The following ORC6 variants were observed in gnomAD, a reference collection of about 807,000 sequenced individuals.
The protein encoded by ORC6 is origin recognition complex, subunit 6 homolog-like (yeast).
In ORC6, 31 loss-of-function variants were observed where a neutral mutation model predicts 30.0. That is an observed-to-expected ratio of 1.03 (90% confidence interval 0.78 to 1.40). The LOEUF is 1.40. Ranked by LOEUF, ORC6 falls within the 40% of genes most tolerant of loss-of-function variation. The probability of loss-of-function intolerance (pLI) is 0.00; values close to 1 mark genes in which losing one functional copy is unlikely to be tolerated. For synonymous variants in ORC6, 136 were observed against 111.2 expected, an observed-to-expected ratio of 1.22 and a Z score of -1.40; for missense variants, 340 against 304.3, an observed-to-expected ratio of 1.12 and a Z score of -0.87.
chr16:46,691,630 T>A (rs190218956), intron 2 of ORC6, among the ~76,000 whole-genome samples: 2 of 152,314 alleles, frequency 1.3e-5, no homozygotes, highest in Admixed American at 6.5e-5. Flanking sequence ...GATACACTCA[T>A]TAAATGGTAA....
At position 46,697,491 on chromosome 16, in the gene ORC6, C is replaced by T. The variant is rs780580557; in HGVS notation, c.665C>T (p.Pro222Leu). The stretch of plus-strand genomic sequence containing the variant: ...AAGGTAGAGGAGATGCCACATAAAC[C>T]ACAGAAAGATGAAGATCTGACACAG... The part of the protein sequence containing the change: ...MEKVEEMPHK[P>L]QKDEDLTQDY... Residue 222 changes from proline (P) to leucine (L), a missense_variant, in exon 7 of 7, where the codon CCA (proline) becomes CTA (leucine). Pro to Leu is a moderately conservative substitution (Grantham distance 98). Coordinates refer to ENST00000219097, the MANE Select transcript of ORC6 (RefSeq NM_014321.4). 18 of 1,613,252 alleles carry T rather than the reference C, an allele frequency of 1.1e-5. No homozygotes were observed. The highest frequency in any genetic ancestry group is 2.2e-5 in the South Asian group (2 of 91,066).
In ORC6 at chr16:46,697,549, A is replaced by C; in HGVS notation, c.723A>C (p.Glu241Asp). 1 of 1,614,154 alleles carries C rather than the reference A, an allele frequency of 6.2e-7. No homozygotes were observed. The highest frequency in any genetic ancestry group is 8.5e-7 in the Non-Finnish European group (1 of 1,179,996). Residue 241 changes from glutamate to aspartate, a missense_variant, in exon 7 of 7, where the codon GAA (glutamate) becomes GAC (aspartate). Coordinates refer to ENST00000219097, the MANE Select transcript of ORC6 (RefSeq NM_014321.4). ...AAGAATGGAAAAGAAAAATTTTGGA[A>C]AATGCTGCCAGTGCTCAAAAGGCTA... ...DYEEWKRKIL[E>D]NAASAQKATA...
chr16:46,690,808 T>C, intron 1 of ORC6, 183 bp from the exon 2 acceptor site: 1 of 681,414 alleles, frequency 1.5e-6, no homozygotes, highest in Non-Finnish European at 2.7e-6. Flanking sequence ...ACAGTGATGT[T>C]TGGAGTCAGT....
In ORC6 at chr16:46,691,064, A is replaced by T. The variant is rs556608071; in HGVS notation, c.139A>T (p.Ser47Cys). ...GLSARTTETS[S>C]AVMCLDLAAS... The stretch of plus-strand genomic sequence containing the variant: ...CTCCGCACGCACCACGGAGACCAGC[A>T]GTGCAGTCATGTGCCTGGACCTTGC... The change falls in exon 2 of 7, where the codon AGT becomes TGT. Residue 47 changes from serine to cysteine, a missense_variant. Coordinates refer to ENST00000219097, the MANE Select transcript of ORC6 (RefSeq NM_014321.4). 1 of 1,614,072 alleles carries T rather than the reference A, an allele frequency of 6.2e-7. No individual in the cohort carries two copies. Among genetic ancestry groups the T allele is most frequent in the South Asian group, 1.1e-5 (1 of 91,082 alleles).
intron 5 of ORC6, 51 bp downstream of exon 5, chr16:46,695,725 G>A: frequency 8.4e-7 from 1 of 1,185,636 alleles, no homozygotes; most frequent in Non-Finnish European, 1.3e-6. Context: ...TAGTCCTTTT[G>A]CTTGTAAAAG....
chr16:46,697,595 C>G lies in ORC6; in HGVS notation c.*10C>G, dbSNP rs1405213929. On this transcript the variant is annotated 3_prime_UTR_variant, in exon 7 of 7. Transcript: ENST00000219097. ...GGCTACAGCAGAGTGATTTCAGCTT[C>G]CAAACTGGTATACATTCCAAACTGA... is the stretch of plus-strand genomic sequence containing the variant. 6.2e-7 allele frequency: 1 copy of G among 1,613,796 alleles called. No homozygotes were observed. Among genetic ancestry groups the G allele is most frequent in the Non-Finnish European group, 8.5e-7 (1 of 1,179,666 alleles).
At chr16:46,690,682 C>G (rs1159241449) in intron 1 of ORC6, 1 of 403,070 alleles carries the variant, frequency 2.5e-6, no homozygotes, top group Non-Finnish European at 4.7e-6. Flanking sequence ...AAAGGAGGAA[C>G]CCTGGTCTAA....
At position 46,698,301 on chromosome 16, in the gene ORC6, C is replaced by T. The variant is rs1966546036; in HGVS notation, c.*716C>T. 2.2e-6 allele frequency: 1 copy of T among 451,410 alleles called. No homozygotes were observed. The highest frequency in any genetic ancestry group is 4.5e-6 in the Non-Finnish European group (1 of 224,158). The allele number at this position is 451,410 out of a possible 1,614,324, so 28.0% of individuals were successfully genotyped here. Reference sequence around the variant, plus strand: ...AAAATTCAGTCTGAATGGCATCTTACAGATTTTACTTCAATTTTTGTGTAC... The same window carrying T: ...AAAATTCAGTCTGAATGGCATCTTATAGATTTTACTTCAATTTTTGTGTAC... On this transcript the variant is annotated 3_prime_UTR_variant, in exon 7 of 7. Coordinates refer to ENST00000219097, the MANE Select transcript of ORC6 (RefSeq NM_014321.4).
chr16:46,693,083 T>A lies in ORC6; in HGVS notation c.360-10T>A. On this transcript the variant is annotated splice_polypyrimidine_tract_variant and intron_variant, in intron 3 of 6. Coordinates refer to ENST00000219097, the MANE Select transcript of ORC6 (RefSeq NM_014321.4). ...TCTAACAGATAATTCTGCAATAACT[T>A]CTCCTTTAGCTATGAGTCCAGTCTT... is the stretch of plus-strand genomic sequence containing the variant. 2 of 1,565,730 alleles carry A rather than the reference T, an allele frequency of 1.3e-6. No homozygotes were observed. Among genetic ancestry groups the A allele is most frequent in the Non-Finnish European group, 1.8e-6 (2 of 1,136,060 alleles).
Position 46,698,370 on chromosome 16 carries a change from T to G in ORC6, c.*785T>G. The G allele has an allele frequency of 2.5e-6, 1 of 395,994 alleles. No individual in the cohort carries two copies. The highest frequency in any genetic ancestry group is 5.1e-6 in the Non-Finnish European group (1 of 195,840). 24.5% of individuals were successfully genotyped at this position (395,994 alleles called of 1,614,324 possible). A position where few individuals can be genotyped will look rare whatever the true frequency, so the allele number is the denominator to read the frequency against. On this transcript the variant is annotated 3_prime_UTR_variant, in exon 7 of 7. Coordinates refer to ENST00000219097, the MANE Select transcript of ORC6 (RefSeq NM_014321.4). ...AAATCAATATATTGTACAGCCTAAG[T>G]TAATAAATGTTATTTATATATGCAT...
At chr16:46,691,932 G>GCACACACACACACACA (rs34549741) in intron 2 of ORC6, among the ~76,000 whole-genome samples, 6 of 59,270 alleles carry the variant, frequency 1.0e-4, no homozygotes, top group Admixed American at 2.2e-4. Flanking sequence ...TTTCTCTCCT[G>GCACACACACACACACA]CACACACACA....
intron 2 of ORC6, among the ~76,000 whole-genome samples, chr16:46,691,431 G>C (rs1966436014): frequency 6.6e-6 from 1 of 152,140 alleles, no homozygotes; most frequent in Non-Finnish European, 1.5e-5. Flanking sequence ...CAATGTCACA[G>C]TGTTTGAGAG....
intron 4 of ORC6, chr16:46,693,858 T>TTA (rs1966484160): frequency 7.1e-6 from 1 of 140,388 alleles, no homozygotes; most frequent in Non-Finnish European, 1.6e-5. Flanking sequence ...TTTTATTTTT[T>TTA]TTTTTTTAAT....
At chr16:46,692,889 T>G (rs148351982) in intron 3 of ORC6, among the ~76,000 whole-genome samples, 2 of 151,584 alleles carry the variant, frequency 1.3e-5, no homozygotes, top group African/African-American at 4.8e-5. Flanking sequence ...GCGGTGGCGG[T>G]GGGGGGGACC....
chr16:46,691,729 T>C (rs892339140), intron 2 of ORC6, among the ~76,000 whole-genome samples: 1 of 152,206 alleles, frequency 6.6e-6, no homozygotes, highest in Admixed American at 6.5e-5. Context: ...CTTAACAGAC[T>C]CTGCACGTCA....
intron 4 of ORC6, chr16:46,695,047 G>C (rs965756722): frequency 5.9e-6 from 1 of 169,072 alleles, no homozygotes; most frequent in African/African-American, 2.4e-5. Context: ...AAAACAGTGA[G>C]AATAGTCAAC....
In ORC6 at chr16:46,695,191, G is replaced by A. The variant is rs139171916; in HGVS notation, c.450-371G>A. 5.8e-5 allele frequency: 14 copies of A among 243,426 alleles called. No homozygotes were observed. In the East Asian group the frequency reaches 1.7e-3, roughly 29 times the overall value. The allele number at this position is 243,426 out of a possible 1,614,324, so 15.1% of individuals were successfully genotyped here. Reference sequence around the variant, plus strand: ...TAGGAAAGTTTATTTTCAGGGTGGGGTGGGGTTGTTACATTCCTGTAATAT... The same window carrying A: ...TAGGAAAGTTTATTTTCAGGGTGGGATGGGGTTGTTACATTCCTGTAATAT... On this transcript the variant is annotated intron_variant, in intron 4 of 6. Transcript: ENST00000219097.
At position 46,698,171 on chromosome 16, in the gene ORC6, A is replaced by AGATAGATGGATG. The variant is rs752110105; in HGVS notation, c.*593_*594insGGATGGATAGAT. 9.4e-6 allele frequency: 4 copies of AGATAGATGGATG among 425,516 alleles called. No homozygotes were observed. The highest frequency in any genetic ancestry group is 6.9e-5 in the African/African-American group (3 of 43,182). 26.4% of individuals were successfully genotyped at this position (425,516 alleles called of 1,614,324 possible). On this transcript the variant is annotated 3_prime_UTR_variant, in exon 7 of 7. Coordinates refer to ENST00000219097, the MANE Select transcript of ORC6 (RefSeq NM_014321.4). ...GACAGAGCGAGACTTATAGATAGAT[A>AGATAGATGGATG]GATAGATAGATGGATAGATAGATAG...
rs372278823 is a variant in ORC6, at chr16:46,698,183, G to GGATGGATGGATAGATAGATAGATA, written c.*601_*602insGGATGGATAGATAGATAGATAGAT. 3 of 430,452 alleles carry GGATGGATGGATAGATAGATAGATA rather than the reference G, an allele frequency of 7.0e-6. No individual in the cohort carries two copies. The highest frequency in any genetic ancestry group is 2.1e-5 in the African/African-American group (1 of 47,660). The allele number at this position is 430,452 out of a possible 1,614,324, so 26.7% of individuals were successfully genotyped here. ...CTTATAGATAGATAGATAGATAGAT[G>GGATGGATGGATAGATAGATAGATA]GATAGATAGATAGATAGATAGATAG... On this transcript the variant is annotated 3_prime_UTR_variant, in exon 7 of 7. Transcript: ENST00000219097.
Sources: gnomAD v4.1 joint callset for allele counts (sites outside exome capture counted in the v4.1 genomes callset) on GRCh38, gnomAD v4.1.1 for gene constraint, MANE v1.5 for transcripts, NCBI Gene and HGNC (gene_info 2026-07-23, HGNC 2026-07-21) for gene names.